The following THSD4 variants were observed in gnomAD, a reference collection of about 807,000 sequenced individuals.
THSD4 encodes thrombospondin type 1 domain containing 4.
Under a neutral mutation model 119.0 loss-of-function variants are expected in THSD4, and 69 were observed. The observed-to-expected ratio is 0.58, with a 90% confidence interval of 0.48 to 0.71. The LOEUF is 0.71. Among genes scored for constraint, THSD4 ranks in the 30% least tolerant of loss-of-function variants. THSD4 has a pLI of 0.00. For missense variants in THSD4, 1,393 were observed against 1,391.1 expected (o/e 1.00, Z -0.02); for synonymous variants, 524 against 540.4 (o/e 0.97, Z 0.42).
chr15:71,555,503 G>A (rs1032529620), intron 7 of THSD4, among the ~76,000 whole-genome samples: 2 of 152,012 alleles, frequency 1.3e-5, no homozygotes, highest in African/African-American at 4.8e-5. Context: ...TTAGTTCTTT[G>A]CTTTTTCACT....
intron 7 of THSD4, among the ~76,000 whole-genome samples, chr15:71,524,204 G>A (rs2048482687): frequency 6.6e-6 from 1 of 152,220 alleles, no homozygotes; most frequent in Middle Eastern, 3.2e-3. Flanking sequence ...TGAGGGCCAG[G>A]CTTGTTTCCA....
chr15:71,587,788 AAAAAAAAAAAAG>A (rs1378514656), intron 7 of THSD4, among the ~76,000 whole-genome samples: 6 of 1,714 alleles, frequency 3.5e-3, no homozygotes, highest in African/African-American at 4.3e-3. Flanking sequence ...AAAAAAAATT[AAAAAAAAAAAAG>A]AAAAAAAAAA....
chr15:71,618,850 T>C lies in THSD4; in HGVS notation c.1153-41680T>C, dbSNP rs532591915. ...GCCTCAGCCTCTCAAAGTGCTGGGA[T>C]TACAGACATAAGCCACCGTGCACAG... is the stretch of plus-strand genomic sequence containing the variant. On this transcript the variant is annotated intron_variant, in intron 7 of 17. Coordinates refer to ENST00000261862, the MANE Select transcript of THSD4 (RefSeq NM_024817.3). Among the ~76,000 whole-genome samples the C allele has an allele frequency of 5.4e-3, 828 of 152,278 alleles. 7 individuals are homozygous for C. Among genetic ancestry groups the C allele is most frequent in the Non-Finnish European group, 9.3e-3 (630 of 68,028 alleles).
rs554234664 is a variant in THSD4 at position 71,158,308 on chromosome 15, C to T, written c.99+3376C>T. 7.2e-5 allele frequency among the ~76,000 whole-genome samples: 11 copies of T among 152,146 alleles called. No individual in the cohort carries two copies. The South Asian group carries it at 1.2e-3, about 17-fold the overall frequency. Reference sequence around the variant, plus strand: ...AGCTGGGATTACAGGCATGCGCCACCATATCTGGCTAATTTTGTATTTTTA... The same window carrying T: ...AGCTGGGATTACAGGCATGCGCCACTATATCTGGCTAATTTTGTATTTTTA... On this transcript the variant is annotated intron_variant, in intron 3 of 17. Transcript: ENST00000261862.
intron 3 of THSD4, among the ~76,000 whole-genome samples, chr15:71,174,356 G>C (rs35956454): frequency 5.3e-5 from 8 of 150,330 alleles, no homozygotes; most frequent in African/African-American, 2.0e-4. Flanking sequence ...TTCCCTTTCC[G>C]AGTCAAAGAA....
chr15:71,109,889 CTT>C (rs1460701677), intron 1 of THSD4, among the ~76,000 whole-genome samples: 2 of 152,220 alleles, frequency 1.3e-5, no homozygotes, highest in South Asian at 2.1e-4. Flanking sequence ...GACCGTGTGA[CTT>C]TGTCGTTTGT....
At chr15:71,544,512 G>C (rs2048807440) in intron 7 of THSD4, among the ~76,000 whole-genome samples, 1 of 152,156 alleles carries the variant, frequency 6.6e-6, no homozygotes, top group Non-Finnish European at 1.5e-5. Context: ...AATAATAAGT[G>C]TTGTCAAGGA....
chr15:71,236,291 T>G (rs2044105217), intron 4 of THSD4, among the ~76,000 whole-genome samples: 1 of 152,234 alleles, frequency 6.6e-6, no homozygotes, highest in African/African-American at 2.4e-5. Flanking sequence ...GAAGCCCCCC[T>G]ATAGCTGCAG....
intron 3 of THSD4, among the ~76,000 whole-genome samples, chr15:71,189,252 C>T (rs918427997): frequency 6.6e-6 from 1 of 152,150 alleles, no homozygotes; most frequent in African/African-American, 2.4e-5. Context: ...AAGCAGGTCT[C>T]TATGAATAGT....
chr15:71,758,578 C>A (rs2141196611), intron 15 of THSD4, among the ~76,000 whole-genome samples: 1 of 152,250 alleles, frequency 6.6e-6, no homozygotes, highest in East Asian at 1.9e-4. Context: ...ATACTGAATA[C>A]TTTAATAATT....
chr15:71,131,373 C>G (rs1161377435), intron 1 of THSD4, among the ~76,000 whole-genome samples: 1 of 150,972 alleles, frequency 6.6e-6, no homozygotes, highest in Admixed American at 6.6e-5. Context: ...TAAGGGCTAA[C>G]AATGTTAATG....
intron 7 of THSD4, among the ~76,000 whole-genome samples, chr15:71,652,469 TCTC>T (rs1300230673): frequency 2.0e-5 from 3 of 152,202 alleles, no homozygotes; most frequent in African/African-American, 7.2e-5. Context: ...TTCAGGCCTC[TCTC>T]CTCCTTCCCC....
chr15:71,141,644 C>T, intron 2 of THSD4, 88 bp downstream of exon 2: 1 of 1,406,148 alleles, frequency 7.1e-7, no homozygotes, highest in Non-Finnish European at 9.7e-7. Flanking sequence ...AGTAAGTGAT[C>T]TTAAGGGTCT....
chr15:71,747,059 G>T lies in THSD4; in HGVS notation c.2241+17G>T, dbSNP rs766127338. The T allele has an allele frequency of 1.3e-6, 2 of 1,582,566 alleles. No individual in the cohort carries two copies. Among genetic ancestry groups the T allele is most frequent in the Admixed American group, 3.5e-5 (2 of 56,400 alleles). On this transcript the variant is annotated intron_variant, in intron 13 of 17. Transcript: ENST00000261862. ...TGGACCTCGGTACGCAGGCAGGGCA[G>T]CCCGCTCTGCAGCTCCCTCTCCAGC...
chr15:71,656,888 G>A (rs1182771163), intron 7 of THSD4, among the ~76,000 whole-genome samples: 1 of 152,166 alleles, frequency 6.6e-6, no homozygotes, highest in African/African-American at 2.4e-5. Flanking sequence ...GACTGTAAAT[G>A]TTAGACATGA....
At position 71,288,208 on chromosome 15, in the gene THSD4, T is replaced by G. The variant is rs181195496; in HGVS notation, c.1015+31493T>G. On this transcript the variant is annotated intron_variant, in intron 6 of 17. Transcript: ENST00000261862. The stretch of plus-strand genomic sequence containing the variant: ...AAATGAACCAGTCCACAGTAAACAC[T>G]TAATGTGAAAAGAGATAACGGCAAA... Among the ~76,000 whole-genome samples, 5 of 152,290 alleles carry G rather than the reference T, an allele frequency of 3.3e-5. No homozygotes were observed. The East Asian group carries it at 7.7e-4, about 24-fold the overall frequency.
chr15:71,701,782 A>C (rs536893005), intron 8 of THSD4, among the ~76,000 whole-genome samples: 2 of 152,278 alleles, frequency 1.3e-5, no homozygotes, highest in Admixed American at 6.5e-5. Flanking sequence ...AAGGATTCTC[A>C]CTAATTGTTA....
chr15:71,746,857 T>C lies in THSD4; in HGVS notation c.2056T>C (p.Ser686Pro). 1 of 1,613,990 alleles carries C rather than the reference T, an allele frequency of 6.2e-7. No homozygotes were observed. Among genetic ancestry groups the C allele is most frequent in the South Asian group, 1.1e-5 (1 of 91,076 alleles). Residue 686 changes from serine (S) to proline (P), a missense_variant, in exon 13 of 18, where the codon TCT (serine) becomes CCT (proline). Transcript: ENST00000261862. ...CPAFWDIGEW[S>P]ECSKTCGLGM... ...AACCAGCTGGGACATCGGGGAGTGG[T>C]CTGAGTGCAGCAAGACCTGTGGCCT...
chr15:71,119,953 T>G (rs2040395371), intron 1 of THSD4, among the ~76,000 whole-genome samples: 1 of 152,204 alleles, frequency 6.6e-6, no homozygotes, highest in South Asian at 2.1e-4. Context: ...ATGCAGAGCT[T>G]AAGGCAAAGC....
Sources: gnomAD v4.1 joint callset for allele counts (sites outside exome capture counted in the v4.1 genomes callset) on GRCh38, gnomAD v4.1.1 for gene constraint, MANE v1.5 for transcripts, NCBI Gene and HGNC (gene_info 2026-07-23, HGNC 2026-07-21) for gene names.